The following ANKS1B variants were observed in gnomAD, a reference collection of about 807,000 sequenced individuals.
ANKS1B encodes the protein ankyrin repeat and sterile alpha motif domain-containing protein 1B.
ANKS1B carries 36 observed loss-of-function variants against 148.3 expected under a neutral mutation model. The observed-to-expected ratio is 0.24, with a 90% CI of 0.19 to 0.32. The LOEUF (loss-of-function observed/expected upper bound fraction) is 0.32. Among genes scored for constraint, ANKS1B ranks in the 10% least tolerant of loss-of-function variants. The pLI is 1.00. For missense variants in ANKS1B, 1,157 were observed against 1,542.6 expected, an observed-to-expected ratio of 0.75 and a Z score of 4.19; for synonymous variants, 542 against 560.8, an observed-to-expected ratio of 0.97 and a Z score of 0.47.
At chr12:99,352,369 G>A (rs2152391134) in intron 12 of ANKS1B, among the ~76,000 whole-genome samples, 1 of 151,940 alleles carries the variant, frequency 6.6e-6, no homozygotes, top group South Asian at 2.1e-4. Flanking sequence ...GTATAAATAA[G>A]AATGACAGAA....
intron 1 of ANKS1B, among the ~76,000 whole-genome samples, chr12:99,830,342 T>C (rs932403807): frequency 2.0e-5 from 3 of 152,070 alleles, no homozygotes; most frequent in Non-Finnish European, 4.4e-5. Context: ...AATGCTACAA[T>C]AGAAAAATCT....
chr12:99,713,761 A>G (rs1180984928), intron 8 of ANKS1B, among the ~76,000 whole-genome samples: 2 of 152,142 alleles, frequency 1.3e-5, no homozygotes, highest in Non-Finnish European at 2.9e-5. Context: ...TTACTAGCAG[A>G]GTCCTTAGTA....
At chr12:99,767,014 T>C (rs2153614267) in intron 8 of ANKS1B, among the ~76,000 whole-genome samples, 1 of 152,286 alleles carries the variant, frequency 6.6e-6, no homozygotes, top group Middle Eastern at 3.4e-3. Flanking sequence ...TAAAACTTGA[T>C]GAATTTTAGA....
At chr12:99,686,658 G>C (rs10860490) in intron 8 of ANKS1B, among the ~76,000 whole-genome samples, 18,861 of 151,878 alleles carry the variant, frequency 0.12, 1,797 homozygotes, top group East Asian at 0.46. Flanking sequence ...GACATGTAAG[G>C]GTTCATTTAC....
At chr12:98,846,092 C>T (rs1171522295) in intron 17 of ANKS1B, among the ~76,000 whole-genome samples, 1 of 151,680 alleles carries the variant, frequency 6.6e-6, no homozygotes, top group Non-Finnish European at 1.5e-5. Flanking sequence ...TTTAATTCTT[C>T]CCTAGATATC....
At chr12:99,928,065 G>A (rs2153805118) in intron 1 of ANKS1B, among the ~76,000 whole-genome samples, 1 of 151,908 alleles carries the variant, frequency 6.6e-6, no homozygotes, top group East Asian at 1.9e-4. Context: ...TTGTTATATA[G>A]AAAACACTTA....
chr12:99,364,683 GA>G (rs2092673305), intron 12 of ANKS1B, among the ~76,000 whole-genome samples: 1 of 152,184 alleles, frequency 6.6e-6, no homozygotes, highest in Non-Finnish European at 1.5e-5. Flanking sequence ...CAGATAATGT[GA>G]ATGATGGTTT....
At chr12:99,832,988 T>C (rs1039054945) in intron 1 of ANKS1B, among the ~76,000 whole-genome samples, 2 of 152,216 alleles carry the variant, frequency 1.3e-5, no homozygotes, top group Admixed American at 6.5e-5. Flanking sequence ...AAATGCTTTA[T>C]ATGCATTAGC....
At chr12:98,914,136 C>T (rs557785698) in intron 17 of ANKS1B, among the ~76,000 whole-genome samples, 61 of 152,168 alleles carry the variant, frequency 4.0e-4, no homozygotes, top group East Asian at 3.9e-4. Flanking sequence ...CCCTTATAGA[C>T]GGCTTAGCTC....
At chr12:99,562,750 G>A (rs1057236985) in intron 9 of ANKS1B, among the ~76,000 whole-genome samples, 5 of 152,120 alleles carry the variant, frequency 3.3e-5, no homozygotes, top group African/African-American at 4.8e-5. Flanking sequence ...TAGCATGGAG[G>A]TAACTGCTCT....
At chr12:98,911,355 G>T (rs1253528174) in intron 17 of ANKS1B, among the ~76,000 whole-genome samples, 3 of 152,082 alleles carry the variant, frequency 2.0e-5, no homozygotes, top group Non-Finnish European at 4.4e-5. Flanking sequence ...AGGAGGTTTG[G>T]GTGTACTGGC....
chr12:99,978,550 A>G (rs2095655527), intron 1 of ANKS1B, among the ~76,000 whole-genome samples: 1 of 152,176 alleles, frequency 6.6e-6, no homozygotes, highest in African/African-American at 2.4e-5. Context: ...TAGATATAAC[A>G]TTTTCATGGA....
intron 9 of ANKS1B, among the ~76,000 whole-genome samples, chr12:99,643,281 A>G (rs2098328216): frequency 6.6e-6 from 1 of 152,212 alleles, no homozygotes; most frequent in Admixed American, 6.5e-5. Context: ...AAATTTCCTC[A>G]TATAAATCAA....
chr12:99,020,152 A>C (rs2099944911), intron 17 of ANKS1B, among the ~76,000 whole-genome samples: 1 of 151,892 alleles, frequency 6.6e-6, no homozygotes, highest in Non-Finnish European at 1.5e-5. Flanking sequence ...TGTGGCATTA[A>C]GTACATCTAC....
intron 15 of ANKS1B, among the ~76,000 whole-genome samples, chr12:99,095,099 T>A: frequency 6.6e-6 from 1 of 152,046 alleles, no homozygotes; most frequent in Middle Eastern, 3.2e-3. Flanking sequence ...ATGACAAGGA[T>A]GAAATCAGAA....
In ANKS1B at chr12:99,206,942, G is replaced by A. The variant is rs192873709; in HGVS notation, c.2419+37400C>T. Among the ~76,000 whole-genome samples the A allele has an allele frequency of 1.6e-4, 24 of 152,276 alleles. No individual in the cohort carries two copies. The East Asian group carries it at 4.2e-3, about 27-fold the overall frequency. The stretch of plus-strand genomic sequence containing the variant: ...TCTAAACAAGCCTGACCTTTGATGA[G>A]TTTGTCTTAACTGGGCTTCCCACCT... On this transcript the variant is annotated intron_variant, in intron 14 of 26. Transcript: ENST00000683438.
In ANKS1B at chr12:98,801,187, T is replaced by C. The variant is rs1047515717; in HGVS notation, c.3142-62A>G. 6 of 1,574,632 alleles carry C rather than the reference T, an allele frequency of 3.8e-6. No individual in the cohort carries two copies. Among genetic ancestry groups the C allele is most frequent in the Admixed American group, 1.8e-5 (1 of 56,426 alleles). On this transcript the variant is annotated intron_variant, in intron 20 of 26. Coordinates refer to ENST00000683438, the MANE Select transcript of ANKS1B (RefSeq NM_001352186.2). This position sits in a 1 kb window ranked among gnomAD's most constrained non-coding sequence, Gnocchi z 5.2. ...GTCAGCAAAGTTCATTCCCTGTAGC[T>C]ACCCTGAGCTCACCTTACACACAGG...
chr12:99,095,576 G>A (rs749495854), intron 15 of ANKS1B, among the ~76,000 whole-genome samples: 3 of 152,192 alleles, frequency 2.0e-5, no homozygotes, highest in Non-Finnish European at 2.9e-5. Flanking sequence ...CATAAAAAAC[G>A]TTATTTAAAG....
chr12:99,250,578 G>A (rs1306112643), intron 12 of ANKS1B, among the ~76,000 whole-genome samples: 3 of 152,156 alleles, frequency 2.0e-5, no homozygotes, highest in South Asian at 2.1e-4. Context: ...CAATACCACC[G>A]ATGCATCAGC....
Sources: gnomAD v4.1 joint callset for allele counts (sites outside exome capture counted in the v4.1 genomes callset) on GRCh38, gnomAD v4.1.1 for gene constraint, Gnocchi (gnomAD v3.1) non-coding constraint, MANE v1.5 for transcripts, NCBI Gene and HGNC (gene_info 2026-07-23, HGNC 2026-07-21) for gene names.